DGKB: variants seen among roughly 807,000 people sequenced by gnomAD.
DGKB encodes the protein diacylglycerol kinase beta.
In DGKB, 67 loss-of-function variants were observed where a neutral mutation model predicts 114.3. The observed-to-expected ratio is 0.59, with a 90% CI of 0.48 to 0.72. The LOEUF is 0.72. Among genes scored for constraint, DGKB ranks in the 30% least tolerant of loss-of-function variants. The pLI, the probability that DGKB is intolerant of heterozygous loss-of-function variation, is 0.00. For synonymous variants in DGKB, 398 were observed against 323.1 expected (o/e 1.23, Z -2.49); for missense variants, 907 against 975.2 (o/e 0.93, Z 0.93).
intron 21 of DGKB, among the ~76,000 whole-genome samples, chr7:14,356,340 G>C (rs1417278159): frequency 1.5e-5 from 2 of 136,586 alleles, no homozygotes; most frequent in African/African-American, 5.5e-5. Flanking sequence ...GTTTGCTCTT[G>C]CTTCTCTAGT....
chr7:14,812,870 A>G (rs905523027), intron 2 of DGKB, among the ~76,000 whole-genome samples: 3 of 152,198 alleles, frequency 2.0e-5, no homozygotes, highest in Non-Finnish European at 4.4e-5. Flanking sequence ...GCAATTTTGC[A>G]GCATCAGTTA....
chr7:14,691,939 C>A (rs1459308144), intron 9 of DGKB, among the ~76,000 whole-genome samples: 3 of 151,802 alleles, frequency 2.0e-5, no homozygotes, highest in East Asian at 3.9e-4. Flanking sequence ...AATAAGTTTA[C>A]AAATACTATT....
chr7:14,812,786 C>T (rs1278884388), intron 2 of DGKB, among the ~76,000 whole-genome samples: 3 of 152,118 alleles, frequency 2.0e-5, no homozygotes, highest in African/African-American at 7.2e-5. Flanking sequence ...ATTTTTAAAG[C>T]AATACAATTT....
intron 21 of DGKB, among the ~76,000 whole-genome samples, chr7:14,411,482 T>A (rs1776429315): frequency 6.6e-6 from 1 of 152,186 alleles, no homozygotes; most frequent in Admixed American, 6.5e-5. Flanking sequence ...ACAACAAACA[T>A]CAAAATATTT....
At chr7:14,202,046 A>G (rs1326270374) in intron 23 of DGKB, among the ~76,000 whole-genome samples, 1 of 151,996 alleles carries the variant, frequency 6.6e-6, no homozygotes, top group Non-Finnish European at 1.5e-5. Flanking sequence ...ATTTCAGAGA[A>G]CACTTCTTGA....
At chr7:14,875,272 T>C (rs1214859292) in intron 1 of DGKB, among the ~76,000 whole-genome samples, 1 of 152,176 alleles carries the variant, frequency 6.6e-6, no homozygotes, top group Non-Finnish European at 1.5e-5. Context: ...ATTTGCCACC[T>C]GGCTGTTTCT....
intron 9 of DGKB, among the ~76,000 whole-genome samples, chr7:14,693,084 T>C (rs182408244): frequency 3.9e-5 from 6 of 152,272 alleles, no homozygotes; most frequent in Admixed American, 3.3e-4. Context: ...TGATATAGTC[T>C]TGAATCTGTA....
At chr7:14,711,060 A>G (rs1463794473) in intron 6 of DGKB, among the ~76,000 whole-genome samples, 1 of 152,118 alleles carries the variant, frequency 6.6e-6, no homozygotes, top group Non-Finnish European at 1.5e-5. Flanking sequence ...GAAAATTTTG[A>G]ACAGGTTTTT....
Position 14,622,535 on chromosome 7 carries a change from T to C in DGKB, c.1168-1041A>G, listed in dbSNP as rs532183627. Among the ~76,000 whole-genome samples the C allele has an allele frequency of 3.9e-5, 6 of 152,252 alleles. 1 individual carries two copies. In the South Asian group the frequency reaches 1.0e-3, roughly 26 times the overall value. ...CCACATGAAGGCCTAAAGCACAACATTGTAAAATGTCCAAGATTAGTTTTA... is the reference window on the plus strand; with the variant it reads ...CCACATGAAGGCCTAAAGCACAACACTGTAAAATGTCCAAGATTAGTTTTA... On this transcript the variant is annotated intron_variant, in intron 14 of 25. Transcript: ENST00000402815.
chr7:14,278,534 G>A (rs560906088), intron 23 of DGKB, among the ~76,000 whole-genome samples: 1 of 152,014 alleles, frequency 6.6e-6, no homozygotes, highest in Non-Finnish European at 1.5e-5. Context: ...AAAACTATAC[G>A]ACTACTAGAA....
chr7:14,473,324 G>C (rs923191872), intron 21 of DGKB, among the ~76,000 whole-genome samples: 1 of 152,224 alleles, frequency 6.6e-6, no homozygotes, highest in Non-Finnish European at 1.5e-5. Context: ...TCAAGCCTCA[G>C]CAGCTCCCAC....
chr7:14,414,005 A>G (rs1450694473), intron 21 of DGKB, among the ~76,000 whole-genome samples: 1 of 152,154 alleles, frequency 6.6e-6, no homozygotes, highest in African/African-American at 2.4e-5. Context: ...TTCAATATTT[A>G]TGCGGTTTTA....
At chr7:14,154,640 C>G (rs771438875) in intron 25 of DGKB, among the ~76,000 whole-genome samples, 26 of 151,766 alleles carry the variant, frequency 1.7e-4, no homozygotes, top group Admixed American at 5.3e-4. Flanking sequence ...TAGAAACCAC[C>G]TTTCTATAGC....
Position 14,851,439 on chromosome 7 carries a change from G to C in DGKB, c.-187-9989C>G, listed in dbSNP as rs573208680. Among the ~76,000 whole-genome samples the C allele has an allele frequency of 1.3e-4, 20 of 152,166 alleles. No individual in the cohort carries two copies. In the East Asian group the frequency reaches 3.3e-3, roughly 25 times the overall value. On this transcript the variant is annotated intron_variant, in intron 1 of 25. Transcript: ENST00000402815. ...TATCTTTTAGTATTGAGACTGGCAG[G>C]TTAGGTGAAAATAAAGATAGATTCT...
intron 21 of DGKB, among the ~76,000 whole-genome samples, chr7:14,397,898 T>C (rs1329406667): frequency 6.6e-6 from 1 of 152,096 alleles, no homozygotes; most frequent in Non-Finnish European, 1.5e-5. Flanking sequence ...GGCTTTATTT[T>C]CAAGGAACTG....
intron 20 of DGKB, among the ~76,000 whole-genome samples, chr7:14,542,304 G>T (rs1204377666): frequency 6.6e-6 from 1 of 152,008 alleles, no homozygotes; most frequent in African/African-American, 2.4e-5. Context: ...TGCAAGCCAG[G>T]TGCTCCCTGC....
intron 1 of DGKB, among the ~76,000 whole-genome samples, chr7:14,948,492 G>T (rs999222015): frequency 2.0e-5 from 3 of 151,646 alleles, no homozygotes; most frequent in Non-Finnish European, 4.4e-5. Flanking sequence ...ACATAAAATG[G>T]TCCACCTTAA....
At chr7:14,517,799 T>TA (rs368751746) in intron 20 of DGKB, among the ~76,000 whole-genome samples, 21 of 151,520 alleles carry the variant, frequency 1.4e-4, no homozygotes, top group East Asian at 7.7e-4. Context: ...CATTAAAAAG[T>TA]AAAAAAAAGT....
intron 1 of DGKB, among the ~76,000 whole-genome samples, chr7:14,965,816 G>C (rs552099227): frequency 5.9e-5 from 9 of 152,036 alleles, no homozygotes; most frequent in African/African-American, 1.9e-4. Flanking sequence ...TCTTTCATTT[G>C]GCACTGGTCC....
Sources: gnomAD v4.1 joint callset for allele counts (sites outside exome capture counted in the v4.1 genomes callset) on GRCh38, gnomAD v4.1.1 for gene constraint, MANE v1.5 for transcripts, NCBI Gene and HGNC (gene_info 2026-07-23, HGNC 2026-07-21) for gene names.